Variants in BEND5 observed in about 807,000 individuals in gnomAD.
The protein encoded by BEND5 is BEN domain containing 5.
In BEND5, 22 loss-of-function variants were observed where a neutral mutation model predicts 43.9. That is an observed-to-expected ratio of 0.50 (90% CI 0.36 to 0.72). The LOEUF is 0.72. Among genes scored for constraint, BEND5 ranks in the 30% least tolerant of loss-of-function variants. The pLI is 0.00. For synonymous variants in BEND5, 228 were observed against 225.9 expected (o/e 1.01, Z -0.08); for missense variants, 428 against 550.6 (o/e 0.78, Z 2.23).
chr1:48,763,524 G>A (rs890949603), intron 1 of BEND5, among the ~76,000 whole-genome samples: 1 of 152,078 alleles, frequency 6.6e-6, no homozygotes, highest in Non-Finnish European at 1.5e-5. Flanking sequence ...GAGAAAGAGA[G>A]AGAGACGATG....
chr1:48,728,091 T>C (rs1448186376), intron 5 of BEND5, 48 bp from the exon 6 acceptor site: 4 of 1,518,392 alleles, frequency 2.6e-6, no homozygotes, highest in Non-Finnish European at 3.6e-6. Context: ...TGAATTCAAG[T>C]AAAAATCTTT....
intron 5 of BEND5, among the ~76,000 whole-genome samples, chr1:48,728,890 T>G (rs1647638617): frequency 6.6e-6 from 1 of 152,168 alleles, no homozygotes; most frequent in Non-Finnish European, 1.5e-5. Flanking sequence ...GACAACCTGG[T>G]GGGTGTGAAG....
intron 4 of BEND5, among the ~76,000 whole-genome samples, chr1:48,741,950 G>A (rs983764799): frequency 1.3e-5 from 2 of 152,178 alleles, no homozygotes; most frequent in Admixed American, 1.3e-4. Context: ...TGCCCTGCTG[G>A]TATATCATCA....
chr1:48,758,816 C>A, intron 3 of BEND5, 84 bp downstream of exon 3: 1 of 1,297,262 alleles, frequency 7.7e-7, no homozygotes, highest in South Asian at 1.6e-5. Flanking sequence ...CTTGGTCTCC[C>A]TCTCCCCTTT....
intron 3 of BEND5, among the ~76,000 whole-genome samples, chr1:48,750,423 T>G (rs914339212): frequency 6.6e-6 from 1 of 152,188 alleles, no homozygotes; most frequent in African/African-American, 2.4e-5. Flanking sequence ...GCTCTCCTGT[T>G]GCCTGAGATA....
At chr1:48,776,549 T>G in intron 1 of BEND5, 57 bp downstream of exon 1, 7 of 702,064 alleles carry the variant, frequency 1.0e-5, no homozygotes, top group African/African-American at 2.0e-5. Flanking sequence ...CCCCGGCCCC[T>G]CCCGGGGTCC....
intron 5 of BEND5, 141 bp from the exon 6 acceptor site, chr1:48,728,184 T>C: frequency 1.4e-6 from 1 of 725,640 alleles, no homozygotes; most frequent in Non-Finnish European, 2.2e-6. Context: ...ATTTTAAAAT[T>C]TGCATCATAG....
rs898394346 is a variant in BEND5, at chr1:48,727,819, G to A, written c.*67C>T. The A allele has an allele frequency of 2.3e-5, 34 of 1,463,028 alleles. No individual in the cohort carries two copies. Among genetic ancestry groups the A allele is most frequent in the African/African-American group, 5.6e-5 (4 of 71,898 alleles). 90.6% of individuals were successfully genotyped at this position (1,463,028 alleles called of 1,614,324 possible). ...ATGCACGGTGGGGTCTGATTTGGAC[G>A]GCACCATCGCTCGCAAATCACATGC... On this transcript the variant is annotated 3_prime_UTR_variant, in exon 6 of 6. Transcript: ENST00000371833.
At chr1:48,734,816 G>C in intron 5 of BEND5, among the ~76,000 whole-genome samples, 1 of 152,284 alleles carries the variant, frequency 6.6e-6, no homozygotes, top group Middle Eastern at 3.4e-3. Flanking sequence ...TGAAGTTATC[G>C]AGCTTGTTCC....
At chr1:48,775,199 G>C (rs964478046) in intron 1 of BEND5, among the ~76,000 whole-genome samples, 1 of 152,134 alleles carries the variant, frequency 6.6e-6, no homozygotes, top group Admixed American at 6.5e-5. Context: ...CCTACACTTC[G>C]GTGTGCCAGG....
intron 4 of BEND5, among the ~76,000 whole-genome samples, chr1:48,739,952 C>T (rs1649654306): frequency 6.6e-6 from 1 of 152,210 alleles, no homozygotes; most frequent in Non-Finnish European, 1.5e-5. Flanking sequence ...CAGTCCTTCA[C>T]AGTACATGTC....
intron 3 of BEND5, among the ~76,000 whole-genome samples, chr1:48,749,231 C>G (rs576846129): frequency 5.5e-4 from 83 of 152,224 alleles, no homozygotes; most frequent in African/African-American, 2.0e-3. Flanking sequence ...TCAAATGTAT[C>G]TCTCTTTTTT....
chr1:48,761,451 T>C lies in BEND5; in HGVS notation c.246A>G (p.Glu82=). 1 of 1,551,172 alleles carries C rather than the reference T, an allele frequency of 6.4e-7. No individual in the cohort carries two copies. Among genetic ancestry groups the C allele is most frequent in the Non-Finnish European group, 8.7e-7 (1 of 1,146,930 alleles). ...LALAEDKSDL[E]NSVMQKKIKI... Reference sequence around the variant, plus strand: ...TTATTTTCTTCTGCATCACACTGTTTTCAAGGTCAGATTTGTCTTCTAAAA... The same window carrying C: ...TTATTTTCTTCTGCATCACACTGTTCTCAAGGTCAGATTTGTCTTCTAAAA... The change falls in exon 2 of 6, where the codon GAA becomes GAG. Residue 82 remains glutamate, a synonymous_variant. Coordinates refer to ENST00000371833, the MANE Select transcript of BEND5 (RefSeq NM_024603.4).
chr1:48,761,217 C>G (rs1456401485), intron 2 of BEND5, 120 bp downstream of exon 2: 1 of 1,131,102 alleles, frequency 8.8e-7, no homozygotes, highest in Non-Finnish European at 1.2e-6. Flanking sequence ...CTGAAAAAAT[C>G]ATAGCCTGTG....
chr1:48,772,104 G>T (rs570423896), intron 1 of BEND5, among the ~76,000 whole-genome samples: 2 of 152,330 alleles, frequency 1.3e-5, no homozygotes, highest in Admixed American at 6.5e-5. Flanking sequence ...ACTATATGCT[G>T]GGCACTGAGG....
chr1:48,728,072 G>A, intron 5 of BEND5, 29 bp from the exon 6 acceptor site: 4 of 1,535,766 alleles, frequency 2.6e-6, no homozygotes, highest in Non-Finnish European at 3.5e-6. Flanking sequence ...CAAGGCCAAG[G>A]ATTAATGGTG....
chr1:48,739,256 C>T (rs974598488), intron 4 of BEND5, among the ~76,000 whole-genome samples: 36 of 152,340 alleles, frequency 2.4e-4, no homozygotes, highest in African/African-American at 7.7e-4. Context: ...CCTATAATCA[C>T]GACAGATTAA....
intron 3 of BEND5, among the ~76,000 whole-genome samples, chr1:48,756,228 T>C (rs1334452333): frequency 6.6e-6 from 1 of 152,210 alleles, no homozygotes; most frequent in African/African-American, 2.4e-5. Context: ...CCTGTTTGGG[T>C]AACAAAAATT....
At chr1:48,774,009 T>G (rs899625303) in intron 1 of BEND5, among the ~76,000 whole-genome samples, 1 of 152,208 alleles carries the variant, frequency 6.6e-6, no homozygotes, top group Admixed American at 6.5e-5. Context: ...GCTTTGACAT[T>G]TCCTGAGTAT....
Sources: allele counts gnomAD v4.1 joint callset (sites outside exome capture counted in the v4.1 genomes callset), GRCh38; gene constraint gnomAD v4.1.1; transcripts MANE v1.5; gene names NCBI Gene and HGNC (gene_info 2026-07-23, HGNC 2026-07-21).